The following FAF1 variants were observed in gnomAD, a reference collection of about 807,000 sequenced individuals.
The protein encoded by FAF1 is Fas associated factor 1.
Under a neutral mutation model 92.5 loss-of-function variants are expected in FAF1, and 25 were observed. The observed-to-expected ratio is 0.27, with a 90% confidence interval of 0.20 to 0.38. FAF1 has a LOEUF of 0.38. FAF1 is among the 10% of genes least tolerant of loss of function. The pLI, the probability that FAF1 is intolerant of heterozygous loss-of-function variation, is 1.00. For missense variants in FAF1, 636 were observed against 793.3 expected, an observed-to-expected ratio of 0.80 and a Z score of 2.38; for synonymous variants, 234 against 273.2, an observed-to-expected ratio of 0.86 and a Z score of 1.42.
At chr1:50,519,322 G>C (rs571973506) in intron 15 of FAF1, among the ~76,000 whole-genome samples, 195 of 144,340 alleles carry the variant, frequency 1.4e-3, no homozygotes, top group African/African-American at 4.7e-3. Context: ...GAGCGAGACT[G>C]TCTCGAAAGA....
chr1:50,949,919 C>T (rs765471017), intron 1 of FAF1, among the ~76,000 whole-genome samples: 5 of 151,944 alleles, frequency 3.3e-5, no homozygotes, highest in Non-Finnish European at 2.9e-5. Context: ...TGGTGTGCAG[C>T]GGTGCAATCA....
At position 50,508,428 on chromosome 1, in the gene FAF1, A is replaced by G. The variant is rs1647087460; in HGVS notation, c.1495-16627T>C. 2.0e-5 allele frequency among the ~76,000 whole-genome samples: 3 copies of G among 152,266 alleles called. No homozygotes were observed. The South Asian group carries it at 6.2e-4, about 31-fold the overall frequency. ...CACAAAAAGAATGAATTACTGATAC[A>G]TGCTACAACATGGATGAAGCTTGAA... On this transcript the variant is annotated intron_variant, in intron 15 of 18. Coordinates refer to ENST00000396153, the MANE Select transcript of FAF1 (RefSeq NM_007051.3).
In FAF1 at chr1:50,864,762, T is replaced by C. The variant is rs568599043; in HGVS notation, c.46-6765A>G. On this transcript the variant is annotated intron_variant, in intron 1 of 18. Transcript: ENST00000396153. ...CTAGAAGAAAACCTAGGCATTACCA[T>C]TCAGGACGTAGGCATGGGCAAGGAC... 2.6e-5 allele frequency among the ~76,000 whole-genome samples: 4 copies of C among 152,304 alleles called. No individual in the cohort carries two copies. The South Asian group carries it at 6.2e-4, about 24-fold the overall frequency.
At chr1:50,586,954 AG>A (rs996243967) in intron 9 of FAF1, among the ~76,000 whole-genome samples, 2 of 152,222 alleles carry the variant, frequency 1.3e-5, no homozygotes, top group African/African-American at 2.4e-5. Flanking sequence ...ACAAAGGACG[AG>A]TATGACAAAT....
chr1:50,466,026 C>A (rs547935873), intron 18 of FAF1, among the ~76,000 whole-genome samples: 1 of 151,352 alleles, frequency 6.6e-6, no homozygotes, highest in Non-Finnish European at 1.5e-5. Flanking sequence ...AGAGAAGTGA[C>A]GTGATTTGCC....
intron 8 of FAF1, among the ~76,000 whole-genome samples, chr1:50,621,093 G>A (rs1653176593): frequency 6.6e-6 from 1 of 152,244 alleles, no homozygotes; most frequent in Non-Finnish European, 1.5e-5. Flanking sequence ...CCCTGCTCAA[G>A]TGTTGGTCTT....
intron 15 of FAF1, among the ~76,000 whole-genome samples, chr1:50,515,983 C>T (rs1484608870): frequency 4.6e-5 from 7 of 152,064 alleles, no homozygotes; most frequent in Non-Finnish European, 1.0e-4. Flanking sequence ...GATAATATTT[C>T]CTGATTATTT....
intron 11 of FAF1, 75 bp from the exon 12 acceptor site, chr1:50,582,774 C>CAAAA (rs1651050093): frequency 2.1e-6 from 2 of 939,516 alleles, no homozygotes; most frequent in African/African-American, 1.6e-5. Context: ...TAATCAATGA[C>CAAAA]TTTTAAGTAA....
chr1:50,929,887 A>G (rs1557593415), intron 1 of FAF1, among the ~76,000 whole-genome samples: 1 of 152,254 alleles, frequency 6.6e-6, no homozygotes, highest in Non-Finnish European at 1.5e-5. Context: ...AGCTACAAAT[A>G]TAATGTAACG....
chr1:50,535,290 A>G lies in FAF1; in HGVS notation c.1494+79T>C. On this transcript the variant is annotated intron_variant, in intron 15 of 18. Coordinates refer to ENST00000396153, the MANE Select transcript of FAF1 (RefSeq NM_007051.3). ...CATCCTTATTTATCGATCATATCAT[A>G]GGCATGTATCATCATTTGACAAATT... The G allele has an allele frequency of 7.6e-6, 7 of 923,736 alleles. No homozygotes were observed. The South Asian group carries it at 8.5e-5, about 11-fold the overall frequency. 57.2% of individuals were successfully genotyped at this position (923,736 alleles called of 1,614,324 possible). A position where few individuals can be genotyped will look rare whatever the true frequency, so the allele number is the denominator to read the frequency against.
intron 7 of FAF1, among the ~76,000 whole-genome samples, chr1:50,694,012 T>C (rs75525604): frequency 3.1e-4 from 45 of 145,986 alleles, no homozygotes; most frequent in African/African-American, 1.2e-3. Flanking sequence ...TATATATACA[T>C]GACATATATG....
At chr1:50,656,672 C>T (rs2124298587) in intron 7 of FAF1, among the ~76,000 whole-genome samples, 2 of 152,070 alleles carry the variant, frequency 1.3e-5, no homozygotes, top group Admixed American at 1.3e-4. Flanking sequence ...CACTTGAGGT[C>T]AGGTGTTCAA....
At position 50,679,447 on chromosome 1, in the gene FAF1, A is replaced by G. The variant is rs1656327590; in HGVS notation, c.658-23919T>C. Among the ~76,000 whole-genome samples the G allele has an allele frequency of 2.1e-5, 3 of 142,446 alleles. No homozygotes were observed. In the South Asian group the frequency reaches 6.6e-4, roughly 31 times the overall value. The allele number at this position is 142,446 out of a possible 152,430, so 93.5% of individuals were successfully genotyped here. On this transcript the variant is annotated intron_variant, in intron 7 of 18. Coordinates refer to ENST00000396153, the MANE Select transcript of FAF1 (RefSeq NM_007051.3). The stretch of plus-strand genomic sequence containing the variant: ...TGGCATTATTTCTACTTCACAGATG[A>G]AAAAAAAAAAAAAGACACCTAAGGA...
chr1:50,555,683 C>A (rs1006477037), intron 13 of FAF1, among the ~76,000 whole-genome samples: 1 of 152,084 alleles, frequency 6.6e-6, no homozygotes, highest in African/African-American at 2.4e-5. Context: ...ATTAGTACAA[C>A]CTCTATGAAA....
intron 1 of FAF1, among the ~76,000 whole-genome samples, chr1:50,898,010 A>AT (rs1248631871): frequency 6.6e-6 from 1 of 152,232 alleles, no homozygotes; most frequent in Non-Finnish European, 1.5e-5. Context: ...ACAGTCACCC[A>AT]AACAATCAGC....
At chr1:50,909,570 G>C (rs998694246) in intron 1 of FAF1, among the ~76,000 whole-genome samples, 7 of 152,060 alleles carry the variant, frequency 4.6e-5, no homozygotes, top group African/African-American at 9.7e-5. Context: ...GGCTTTGTTT[G>C]TTTCTTTTTG....
At chr1:50,724,298 C>CAT (rs1553132408) in intron 6 of FAF1, among the ~76,000 whole-genome samples, 4 of 124,136 alleles carry the variant, frequency 3.2e-5, no homozygotes, top group African/African-American at 1.3e-4. Context: ...CACACACATA[C>CAT]ACACACACAC....
intron 8 of FAF1, among the ~76,000 whole-genome samples, chr1:50,644,761 CAG>C (rs1654506817): frequency 6.6e-6 from 1 of 152,176 alleles, no homozygotes; most frequent in Non-Finnish European, 1.5e-5. Flanking sequence ...CAGTTGTTTA[CAG>C]AGAGGGGGAA....
chr1:50,837,408 A>G (rs1644217820), intron 2 of FAF1, among the ~76,000 whole-genome samples: 1 of 152,132 alleles, frequency 6.6e-6, no homozygotes, highest in African/African-American at 2.4e-5. Context: ...ATTTTAAACT[A>G]TTTTATAGAA....
Sources: gnomAD v4.1 joint callset for allele counts (sites outside exome capture counted in the v4.1 genomes callset) on GRCh38, gnomAD v4.1.1 for gene constraint, MANE v1.5 for transcripts, NCBI Gene and HGNC (gene_info 2026-07-23, HGNC 2026-07-21) for gene names.